The following LDLRAD4 variants were observed in gnomAD, a reference collection of about 807,000 sequenced individuals.
The protein encoded by LDLRAD4 is low-density lipoprotein receptor class A domain-containing protein 4.
A neutral mutation model predicts 17.0 loss-of-function variants in LDLRAD4; 5 were observed. That is an observed-to-expected ratio of 0.29 (90% CI 0.15 to 0.62). The LOEUF is 0.62. Ranked by LOEUF, LDLRAD4 falls within the 20% of genes least tolerant of loss-of-function variation. The pLI is 0.84. For synonymous variants in LDLRAD4, 168 were observed against 171.8 expected (o/e 0.98, Z 0.17); for missense variants, 340 against 424.7 (o/e 0.80, Z 1.75).
chr18:13,612,428 G>T (rs2039659946), intron 3 of LDLRAD4: 15 of 1,263,250 alleles, frequency 1.2e-5, no homozygotes, highest in Non-Finnish European at 1.4e-5. Flanking sequence ...TTCTGTTGAT[G>T]GCAGTTGATA....
intron 1 of LDLRAD4, among the ~76,000 whole-genome samples, chr18:13,307,855 G>A (rs1332595406): frequency 6.6e-6 from 1 of 152,192 alleles, no homozygotes; most frequent in African/African-American, 2.4e-5. Context: ...TCAACAATAG[G>A]CCATTAGTAG....
rs558542506 is a variant in LDLRAD4, at chr18:13,295,764, G to A, written c.-383+17576G>A. 7.2e-5 allele frequency among the ~76,000 whole-genome samples: 11 copies of A among 152,318 alleles called. No homozygotes were observed. In the East Asian group the frequency reaches 1.9e-3, roughly 27 times the overall value. On this transcript the variant is annotated intron_variant, in intron 1 of 5. Coordinates refer to ENST00000359446, the Ensembl canonical transcript of LDLRAD4. Reference sequence around the variant, plus strand: ...GGCTTAAATATACATGCTCCTATGAGGCTATAAGCCTTCTCTAGTAGAAAT... The same window carrying A: ...GGCTTAAATATACATGCTCCTATGAAGCTATAAGCCTTCTCTAGTAGAAAT...
intron 3 of LDLRAD4, among the ~76,000 whole-genome samples, chr18:13,590,346 TGTGTGC>T (rs2095003876): frequency 6.6e-6 from 1 of 151,614 alleles, no homozygotes; most frequent in Non-Finnish European, 1.5e-5. Context: ...TAAGTGTGTG[TGTGTGC>T]GTGTGCGTGT....
intron 1 of LDLRAD4, among the ~76,000 whole-genome samples, chr18:13,321,433 C>T (rs1205451047): frequency 6.6e-6 from 1 of 152,216 alleles, no homozygotes; most frequent in Non-Finnish European, 1.5e-5. Context: ...TCATCTCCCT[C>T]AAATTTTAAG....
intron 2 of LDLRAD4, among the ~76,000 whole-genome samples, chr18:13,435,664 T>C (rs1413862278): frequency 6.6e-6 from 1 of 152,194 alleles, no homozygotes; most frequent in Non-Finnish European, 1.5e-5. Context: ...CCCAGGCTGC[T>C]CTAGAACTCC....
rs114824607 is a variant in LDLRAD4, at chr18:13,437,693, A to G, written c.41-551A>G. On this transcript the variant is annotated intron_variant, in intron 2 of 5. Coordinates refer to ENST00000359446, the Ensembl canonical transcript of LDLRAD4. The stretch of plus-strand genomic sequence containing the variant: ...CTACCCATGCCTGGTATTATGCCTG[A>G]TTTTTCTTAGGCATGAGAGGAATGA... 8.3e-3 allele frequency among the ~76,000 whole-genome samples: 1,269 copies of G among 152,230 alleles called. 11 individuals carry two copies. Among genetic ancestry groups the G allele is most frequent in the African/African-American group, 0.028 (1,169 of 41,534 alleles).
chr18:13,455,368 A>C (rs1227694421), intron 3 of LDLRAD4, among the ~76,000 whole-genome samples: 1 of 152,200 alleles, frequency 6.6e-6, no homozygotes, highest in Non-Finnish European at 1.5e-5. Context: ...TCAAATAGTC[A>C]CCTGCAATTC....
intron 1 of LDLRAD4, among the ~76,000 whole-genome samples, chr18:13,334,675 G>A (rs889779239): frequency 4.6e-5 from 7 of 152,160 alleles, no homozygotes; most frequent in Non-Finnish European, 8.8e-5. Context: ...CAATCAGTGT[G>A]CCTTTTATTT....
rs1366840594 is a variant in LDLRAD4 at position 13,398,929 on chromosome 18, A to G, written c.40+11167A>G. Among the ~76,000 whole-genome samples the G allele has an allele frequency of 8.5e-5, 13 of 152,214 alleles. No individual in the cohort carries two copies. The highest frequency in any genetic ancestry group is 1.8e-4 in the Non-Finnish European group (12 of 68,046). ...CTCGTGCGCAGAGATGCAGCCACCC[A>G]GATCTTCATCTTTGTAATGATGATC... On this transcript the variant is annotated intron_variant, in intron 2 of 5. Coordinates refer to ENST00000359446, the Ensembl canonical transcript of LDLRAD4. The surrounding 1 kb of genome is among the most constrained non-coding windows in gnomAD (Gnocchi z 4.8).
chr18:13,370,708 G>GTTTTTTTTTTTTTT (rs1568061721), intron 1 of LDLRAD4, among the ~76,000 whole-genome samples: 3 of 13,504 alleles, frequency 2.2e-4, no homozygotes, highest in Non-Finnish European at 6.3e-4. Context: ...ATGGTTTTTT[G>GTTTTTTTTTTTTTT]TTTTGTTTTT....
At chr18:13,354,877 C>T (rs2083247510) in intron 1 of LDLRAD4, among the ~76,000 whole-genome samples, 1 of 152,146 alleles carries the variant, frequency 6.6e-6, no homozygotes, top group Admixed American at 6.5e-5. Context: ...TAGGGTGGAC[C>T]TTGTGCCCCA....
chr18:13,517,948 A>G (rs1196848452), intron 3 of LDLRAD4, among the ~76,000 whole-genome samples: 4 of 151,942 alleles, frequency 2.6e-5, no homozygotes, highest in African/African-American at 9.7e-5. Context: ...CTGTGTTAGG[A>G]TGGTCTCGAT....
At chr18:13,549,955 T>C (rs1485345210) in intron 3 of LDLRAD4, among the ~76,000 whole-genome samples, 1 of 152,180 alleles carries the variant, frequency 6.6e-6, no homozygotes, top group Non-Finnish European at 1.5e-5. Context: ...TTCTTCTGTA[T>C]AATGGAGATG....
At chr18:13,578,262 G>A (rs1271655536) in intron 3 of LDLRAD4, among the ~76,000 whole-genome samples, 1 of 152,102 alleles carries the variant, frequency 6.6e-6, no homozygotes, top group Non-Finnish European at 1.5e-5. Context: ...AATAATTGGT[G>A]GCATCATCTG....
At position 13,226,180 on chromosome 18, in the gene LDLRAD4, CTTTTTTTTT is replaced by C. The variant is rs71174166; in HGVS notation, c.-467+7205_-467+7213del. 5.7e-5 allele frequency among the ~76,000 whole-genome samples: 3 copies of C among 52,190 alleles called. 1 individual carries two copies. Among genetic ancestry groups the C allele is most frequent in the South Asian group, 2.4e-3 (2 of 844 alleles). The allele number at this position is 52,190 out of a possible 152,430, so 34.2% of individuals were successfully genotyped here. ...GGACTACAGATGCTGCCATGCCTTG[CTTTTTTTTT>C]TTTTTTTTTTTTGTAGAGACCGGGT... On this transcript the variant is annotated intron_variant, in intron 1 of 5. Transcript: ENST00000399848.
At chr18:13,309,822 G>A (rs2047128018) in intron 1 of LDLRAD4, among the ~76,000 whole-genome samples, 1 of 152,136 alleles carries the variant, frequency 6.6e-6, no homozygotes, top group Admixed American at 6.5e-5. Context: ...GGGTGTCTTG[G>A]TGATGGGTGC....
At chr18:13,528,017 C>T (rs2094061677) in intron 3 of LDLRAD4, among the ~76,000 whole-genome samples, 1 of 152,208 alleles carries the variant, frequency 6.6e-6, no homozygotes, top group Admixed American at 6.5e-5. Context: ...ACACTCCCTC[C>T]TGGCTTCCTA....
intron 1 of LDLRAD4, among the ~76,000 whole-genome samples, chr18:13,270,849 T>C (rs1382691835): frequency 2.0e-5 from 3 of 152,202 alleles, no homozygotes; most frequent in African/African-American, 7.2e-5. Flanking sequence ...TTTTAGAAAT[T>C]AAAAAGTTAT....
intron 3 of LDLRAD4, among the ~76,000 whole-genome samples, chr18:13,587,491 T>C (rs1469248759): frequency 6.6e-6 from 1 of 152,124 alleles, no homozygotes; most frequent in East Asian, 1.9e-4. Context: ...GCCCGCTGAG[T>C]GGAAGACCTG....
Sources: allele counts gnomAD v4.1 joint callset (sites outside exome capture counted in the v4.1 genomes callset), GRCh38; gene constraint gnomAD v4.1.1; non-coding constraint Gnocchi (gnomAD v3.1); transcripts MANE v1.5; gene names NCBI Gene and HGNC (gene_info 2026-07-23, HGNC 2026-07-21).